The following MYO6 variants were observed in gnomAD, a reference collection of about 807,000 sequenced individuals.
MYO6 encodes the protein myosin VI.
MYO6 carries 74 observed loss-of-function variants against 178.7 expected under a neutral mutation model. The ratio of observed to expected loss-of-function variants is 0.41; its 90% CI spans 0.34 to 0.50. MYO6 has a LOEUF of 0.50. Among genes scored for constraint, MYO6 ranks in the 20% least tolerant of loss-of-function variants. The probability of loss-of-function intolerance (pLI) is 0.09; values close to 1 mark genes in which losing one functional copy is unlikely to be tolerated. For missense variants in MYO6, 1,330 were observed against 1,547.4 expected, an observed-to-expected ratio of 0.86 and a Z score of 2.36; for synonymous variants, 477 against 504.6, an observed-to-expected ratio of 0.95 and a Z score of 0.73.
At chr6:75,845,793 C>T (rs902622126) in intron 10 of MYO6, among the ~76,000 whole-genome samples, 3 of 151,558 alleles carry the variant, frequency 2.0e-5, no homozygotes, top group Non-Finnish European at 2.9e-5. Context: ...GAGACCAGCT[C>T]GGCCAACATG....
At chr6:75,790,633 C>T (rs1768133510) in intron 1 of MYO6, among the ~76,000 whole-genome samples, 1 of 152,158 alleles carries the variant, frequency 6.6e-6, no homozygotes, top group South Asian at 2.1e-4. Flanking sequence ...CCTGCCTCGG[C>T]CTCCCAATGT....
At chr6:75,886,169 T>G in intron 24 of MYO6, 75 bp downstream of exon 24, 1 of 1,024,324 alleles carries the variant, frequency 9.8e-7, no homozygotes, top group Non-Finnish European at 1.5e-6. Context: ...AAAGTCATAA[T>G]AAAAAGCAGT....
At chr6:75,862,311 C>T (rs1357467183) in intron 15 of MYO6, among the ~76,000 whole-genome samples, 3 of 152,160 alleles carry the variant, frequency 2.0e-5, no homozygotes, top group African/African-American at 7.2e-5. Flanking sequence ...ATTCCTTAGC[C>T]TCTTCTCCTG....
At chr6:75,770,453 A>C (rs576099045) in intron 1 of MYO6, among the ~76,000 whole-genome samples, 378 of 152,278 alleles carry the variant, frequency 2.5e-3, no homozygotes, top group Non-Finnish European at 4.2e-3. Flanking sequence ...TGTGGTATTC[A>C]AACTTCTAAA....
chr6:75,888,860 A>T (rs780889208), intron 25 of MYO6, among the ~76,000 whole-genome samples: 5 of 152,152 alleles, frequency 3.3e-5, no homozygotes, highest in Non-Finnish European at 2.9e-5. Flanking sequence ...TTTTGTGAAA[A>T]TAGCAATTTC....
At chr6:75,841,460 G>A (rs554190058) in intron 9 of MYO6, 82 bp downstream of exon 9, 27 of 1,354,372 alleles carry the variant, frequency 2.0e-5, no homozygotes, top group East Asian at 1.9e-4. Context: ...AGGCTGAGGC[G>A]GATGGATTGC....
Position 75,854,275 on chromosome 6 carries a change from C to CTTTTTTTTT in MYO6, c.1079-840_1079-832dup, listed in dbSNP as rs61398235. On this transcript the variant is annotated intron_variant, in intron 11 of 34. Coordinates refer to ENST00000369977, the MANE Select transcript of MYO6 (RefSeq NM_004999.4). ...CATGGGTCAAGACCTAACTGCATTG[C>CTTTTTTTTT]TTTTTTTTTTTTTTTTTTTTTTTTT... Among the ~76,000 whole-genome samples, 31 of 45,502 alleles carry CTTTTTTTTT rather than the reference C, an allele frequency of 6.8e-4. 4 individuals carry two copies. Among genetic ancestry groups the CTTTTTTTTT allele is most frequent in the African/African-American group, 8.8e-4 (8 of 9,104 alleles). 29.9% of individuals were successfully genotyped at this position (45,502 alleles called of 152,430 possible).
At chr6:75,753,450 T>C (rs1219780964) in intron 1 of MYO6, among the ~76,000 whole-genome samples, 3 of 127,914 alleles carry the variant, frequency 2.3e-5, no homozygotes, top group Non-Finnish European at 5.0e-5. Flanking sequence ...TATGTGTGTG[T>C]GTGTGTATAT....
intron 32 of MYO6, among the ~76,000 whole-genome samples, 161 bp from the exon 33 acceptor site, chr6:75,911,511 C>T (rs1780753673): frequency 6.6e-6 from 1 of 151,910 alleles, no homozygotes; most frequent in South Asian, 2.1e-4. Context: ...AATCAGAAAG[C>T]AGCACCTGCT....
intron 2 of MYO6, 96 bp downstream of exon 2, chr6:75,817,760 T>C: frequency 1.1e-5 from 12 of 1,067,492 alleles, no homozygotes; most frequent in Non-Finnish European, 1.4e-5. Flanking sequence ...GAGGTAGATA[T>C]TTGGGAAAGC....
At chr6:75,795,686 C>T (rs1301327175) in intron 1 of MYO6, among the ~76,000 whole-genome samples, 1 of 152,170 alleles carries the variant, frequency 6.6e-6, no homozygotes, top group East Asian at 1.9e-4. Context: ...AACCTGACTC[C>T]CACCTAAACT....
chr6:75,879,685 A>G, intron 20 of MYO6, 135 bp from the exon 21 acceptor site: 1 of 1,178,884 alleles, frequency 8.5e-7, no homozygotes, highest in Non-Finnish European at 1.2e-6. Flanking sequence ...ATATTTTCCT[A>G]TATAATATTT....
In MYO6 at chr6:75,886,863, G is replaced by A. The variant is rs1778475986; in HGVS notation, c.2527G>A (p.Val843Met). 1.9e-6 allele frequency: 3 copies of A among 1,613,654 alleles called. No homozygotes were observed. Among genetic ancestry groups the A allele is most frequent in the Non-Finnish European group, 2.5e-6 (3 of 1,179,870 alleles). The change falls in exon 25 of 35, where the codon GTG (valine) becomes ATG (methionine). Residue 843 changes from valine (V) to methionine (M), a missense_variant. Val to Met is a conservative substitution (Grantham distance 21). Around this residue, in one of 3 missense-constraint regions of MYO6, gnomAD observed 601 missense variants for 626.1 expected, o/e 0.96. Coordinates refer to ENST00000369977, the MANE Select transcript of MYO6 (RefSeq NM_004999.4). ...TTACAGCATTGATGGTCTGGTTAAG[G>A]TGGGCACACTGAAAAAACGACTTGA... Reference protein sequence around the residue: ...HKPRIDGLVKVGTLKKRLDKF... With the variant: ...HKPRIDGLVKMGTLKKRLDKF...
At chr6:75,762,792 T>C (rs1778065991) in intron 1 of MYO6, among the ~76,000 whole-genome samples, 2 of 152,256 alleles carry the variant, frequency 1.3e-5, no homozygotes, top group Non-Finnish European at 2.9e-5. Context: ...CTACCTGTTT[T>C]AGTTATATAC....
chr6:75,764,860 G>A (rs1778265365), intron 1 of MYO6, among the ~76,000 whole-genome samples: 1 of 151,964 alleles, frequency 6.6e-6, no homozygotes, highest in Non-Finnish European at 1.5e-5. Flanking sequence ...TTAGCCGGGC[G>A]TGGTGGCAGG....
At chr6:75,893,915 T>G (rs1779097872) in intron 28 of MYO6, among the ~76,000 whole-genome samples, 1 of 152,252 alleles carries the variant, frequency 6.6e-6, no homozygotes, top group Admixed American at 6.5e-5. Context: ...GCTGCTGTTC[T>G]GTTCCTTCCA....
chr6:75,834,093 T>C (rs1002148496), intron 6 of MYO6, among the ~76,000 whole-genome samples: 1 of 152,228 alleles, frequency 6.6e-6, no homozygotes, highest in African/African-American at 2.4e-5. Flanking sequence ...TAAAACCATT[T>C]TTTACCTTAA....
chr6:75,753,455 G>GTGTGTGTGTGTGTGTGTATATATATATA (rs370647728), intron 1 of MYO6, among the ~76,000 whole-genome samples: 1 of 140,056 alleles, frequency 7.1e-6, no homozygotes, highest in African/African-American at 2.7e-5. Context: ...GTGTGTGTGT[G>GTGTGTGTGTGTGTGTGTATATATATATA]TATATATATA....
At chr6:75,762,157 G>T (rs141784423) in intron 1 of MYO6, among the ~76,000 whole-genome samples, 59 of 152,204 alleles carry the variant, frequency 3.9e-4, no homozygotes, top group Non-Finnish European at 7.2e-4. Context: ...GGATGGTCTC[G>T]ATATCCTGAC....
Sources: gnomAD v4.1 joint callset for allele counts (sites outside exome capture counted in the v4.1 genomes callset) on GRCh38, gnomAD v4.1.1 for gene constraint, gnomAD v4.1.1 regional missense constraint, MANE v1.5 for transcripts, NCBI Gene and HGNC (gene_info 2026-07-23, HGNC 2026-07-21) for gene names.